The following DEPDC5 variants were observed in gnomAD, a reference collection of about 807,000 sequenced individuals.
DEPDC5 encodes DEP domain containing 5, GATOR1 subcomplex subunit, also known as GATOR1 complex protein DEPDC5.
DEPDC5 carries 73 observed loss-of-function variants against 217.3 expected under a neutral mutation model. That is an observed-to-expected ratio of 0.34 (90% CI 0.28 to 0.41). DEPDC5 has a LOEUF of 0.41. Among genes scored for constraint, DEPDC5 ranks in the 10% least tolerant of loss-of-function variants. The pLI is 1.00. For synonymous variants in DEPDC5, 733 were observed against 756.7 expected (o/e 0.97, Z 0.51); for missense variants, 1,675 against 2,070.1 (o/e 0.81, Z 3.70).
chr22:31,894,327 A>G (rs2093502972), intron 39 of DEPDC5: 1 of 150,298 alleles, frequency 6.7e-6, no homozygotes, highest in Admixed American at 6.6e-5. Context: ...TTTTTCTATC[A>G]CCTATGTGTT....
chr22:31,882,046 A>G lies in DEPDC5; in HGVS notation c.4033+2294A>G, dbSNP rs1705218623. On this transcript the variant is annotated intron_variant, in intron 38 of 42. Transcript: ENST00000651528. ...GGAAGCAGAAGCCAATAGTCCAGCAACAAAGGTGGAGTGGGGAAAACCTGT... is the reference window on the plus strand; with the variant it reads ...GGAAGCAGAAGCCAATAGTCCAGCAGCAAAGGTGGAGTGGGGAAAACCTGT... Among the ~76,000 whole-genome samples, 3 of 152,152 alleles carry G rather than the reference A, an allele frequency of 2.0e-5. No homozygotes were observed. The South Asian group carries it at 6.2e-4, about 32-fold the overall frequency.
At position 31,864,501 on chromosome 22, in the gene DEPDC5, A is replaced by AATATAT. The variant is rs34148134; in HGVS notation, c.3330+3087_3330+3092dup. On this transcript the variant is annotated intron_variant, in intron 33 of 42. Transcript: ENST00000651528. ...CCTTCTGAACCTGTTTCTTCATTAA[A>AATATAT]ATATATATATATATATATATATATT... Among the ~76,000 whole-genome samples the AATATAT allele has an allele frequency of 1.8e-3, 226 of 123,142 alleles. 3 individuals carry two copies. The highest frequency in any genetic ancestry group is 4.2e-3 in the African/African-American group (134 of 32,260). 80.8% of individuals were successfully genotyped at this position (123,142 alleles called of 152,430 possible).
intron 24 of DEPDC5, among the ~76,000 whole-genome samples, chr22:31,827,651 A>T (rs549291803): frequency 1.3e-5 from 2 of 152,314 alleles, no homozygotes; most frequent in East Asian, 3.9e-4. Flanking sequence ...ATGGTGGCAG[A>T]TAGACCCCTC....
chr22:31,783,299 C>G (rs1364991156), intron 8 of DEPDC5, among the ~76,000 whole-genome samples: 1 of 152,172 alleles, frequency 6.6e-6, no homozygotes, highest in Non-Finnish European at 1.5e-5. Context: ...CTTGCTGCTG[C>G]TCACTGTTGG....
intron 38 of DEPDC5, among the ~76,000 whole-genome samples, chr22:31,882,034 A>G (rs2093190473): frequency 6.6e-6 from 1 of 152,014 alleles, no homozygotes; most frequent in Non-Finnish European, 1.5e-5. Flanking sequence ...AGCAGAAGCC[A>G]ATAGTCCAGC....
Position 31,843,670 on chromosome 22 carries a change from C to A in DEPDC5, c.2659C>A (p.His887Asn), listed in dbSNP as rs751284078. Residue 887 changes from histidine (H) to asparagine (N), a missense_variant, in exon 29 of 43, where the codon CAC becomes AAC. Coordinates refer to ENST00000651528, the MANE Select transcript of DEPDC5 (RefSeq NM_001242896.3). ...PKYPYESAQI[H>N]YTYSLCPSHS... Reference sequence around the variant, plus strand: ...GTATCCTTATGAATCTGCCCAGATCCACTACACCTACAGCCTCTGTCCTTC... The same window carrying A: ...GTATCCTTATGAATCTGCCCAGATCAACTACACCTACAGCCTCTGTCCTTC... The A allele has an allele frequency of 1.2e-6, 2 of 1,609,772 alleles. No homozygotes were observed. The highest frequency in any genetic ancestry group is 3.3e-5 in the Admixed American group (2 of 59,958).
At position 31,766,679 on chromosome 22, in the gene DEPDC5, A is replaced by C. The variant is rs1208554525; in HGVS notation, c.363+11A>C. 7 of 1,609,766 alleles carry C rather than the reference A, an allele frequency of 4.3e-6. No homozygotes were observed. The highest frequency in any genetic ancestry group is 5.9e-6 in the Non-Finnish European group (7 of 1,177,906). On this transcript the variant is annotated intron_variant, in intron 6 of 42. Coordinates refer to ENST00000651528, the MANE Select transcript of DEPDC5 (RefSeq NM_001242896.3). ...CTAAAGAAAAGTTTGGTAAGATGTG[A>C]TTTTTTTTGAAAGTCTGTTACTTTT... is the stretch of plus-strand genomic sequence containing the variant.
At chr22:31,805,175 A>G (rs1054577621) in intron 17 of DEPDC5, 6 of 256,294 alleles carry the variant, frequency 2.3e-5, no homozygotes, top group South Asian at 5.6e-5. Flanking sequence ...TCTATTCCCA[A>G]CTCCCACAGA....
intron 16 of DEPDC5, 131 bp from the exon 17 acceptor site, chr22:31,804,711 A>T (rs1368986815): frequency 3.6e-6 from 3 of 842,800 alleles, no homozygotes; most frequent in Non-Finnish European, 5.6e-6. Context: ...AATTGCTGGG[A>T]TTACAGGCAT....
At chr22:31,845,699 G>A (rs2091687438) in intron 30 of DEPDC5, among the ~76,000 whole-genome samples, 1 of 152,160 alleles carries the variant, frequency 6.6e-6, no homozygotes, top group African/African-American at 2.4e-5. Context: ...CCAGCTATAA[G>A]GGGCAGAACT....
At chr22:31,843,045 T>G (rs2091492489) in intron 27 of DEPDC5, 50 bp from the exon 28 acceptor site, 1 of 1,395,594 alleles carries the variant, frequency 7.2e-7, no homozygotes, top group South Asian at 1.2e-5. Context: ...AATTGTCTGT[T>G]ATAGGAATGA....
In DEPDC5 at chr22:31,804,208, T is replaced by C. The variant is rs772408281; in HGVS notation, c.1128T>C (p.Ala376=). Reference sequence around the variant, plus strand: ...GCATGGGAGAGCAACCGTTACATGCTGTCCCATTGTTCAAGGTAATTAGAT... The same window carrying C: ...GCATGGGAGAGCAACCGTTACATGCCGTCCCATTGTTCAAGGTAATTAGAT... ...LVCMGEQPLH[A]VPLFKLHNRS... is the part of the protein sequence containing the mutation. Residue 376 remains alanine, a synonymous_variant, in exon 16 of 43, where the codon GCT becomes GCC. Coordinates refer to ENST00000651528, the MANE Select transcript of DEPDC5 (RefSeq NM_001242896.3). 2 of 1,614,166 alleles carry C rather than the reference T, an allele frequency of 1.2e-6. No homozygotes were observed. Among genetic ancestry groups the C allele is most frequent in the South Asian group, 1.1e-5 (1 of 91,084 alleles).
In DEPDC5 at chr22:31,870,804, G is replaced by C. The variant is rs561323179; in HGVS notation, c.3485+60G>C. 2.7e-5 allele frequency: 38 copies of C among 1,427,470 alleles called. No individual in the cohort carries two copies. In the East Asian group the frequency reaches 1.0e-3, roughly 38 times the overall value. 88.4% of individuals were successfully genotyped at this position (1,427,470 alleles called of 1,614,324 possible). On this transcript the variant is annotated intron_variant, in intron 34 of 42. Transcript: ENST00000651528. ...GGAGTGGGGACAGTCTGATCTCAAAGGCTGCAGAGGCTGAAGTCCAAAGCT... is the reference window on the plus strand; with the variant it reads ...GGAGTGGGGACAGTCTGATCTCAAACGCTGCAGAGGCTGAAGTCCAAAGCT...
chr22:31,856,773 T>G (rs561775267), intron 31 of DEPDC5, among the ~76,000 whole-genome samples: 5 of 151,990 alleles, frequency 3.3e-5, no homozygotes, highest in South Asian at 2.1e-4. Context: ...TAATGCAGTT[T>G]TTTGTTTGTT....
rs1404786332 is a variant in DEPDC5, at chr22:31,906,592, C to T, written c.*95C>T. 11 of 1,463,998 alleles carry T rather than the reference C, an allele frequency of 7.5e-6. No individual in the cohort carries two copies. Among genetic ancestry groups the T allele is most frequent in the African/African-American group, 2.8e-5 (2 of 71,352 alleles). 90.7% of individuals were successfully genotyped at this position (1,463,998 alleles called of 1,614,324 possible). A position where few individuals can be genotyped will look rare whatever the true frequency, so the allele number is the denominator to read the frequency against. Reference sequence around the variant, plus strand: ...AGGCAGGCTCTAGGAGTCAGGTGTCCGTTTGCTGCTATCAGTGAGTGGGGG... The same window carrying T: ...AGGCAGGCTCTAGGAGTCAGGTGTCTGTTTGCTGCTATCAGTGAGTGGGGG... On this transcript the variant is annotated 3_prime_UTR_variant, in exon 43 of 43. Coordinates refer to ENST00000651528, the MANE Select transcript of DEPDC5 (RefSeq NM_001242896.3). This position sits in a 1 kb window ranked among gnomAD's most constrained non-coding sequence, Gnocchi z 5.1.
Position 31,906,097 on chromosome 22 carries a change from G to A in DEPDC5, c.4519+31G>A. ...GAGCTACGGGCAGAGTTGGGCAGGT[G>A]GGTCCACATCCCTTTCCTTGCACCA... On this transcript the variant is annotated intron_variant, in intron 42 of 42. Coordinates refer to ENST00000651528, the MANE Select transcript of DEPDC5 (RefSeq NM_001242896.3). This position sits in a 1 kb window ranked among gnomAD's most constrained non-coding sequence, Gnocchi z 5.1. 2 of 1,613,700 alleles carry A rather than the reference G, an allele frequency of 1.2e-6. No homozygotes were observed. Among genetic ancestry groups the A allele is most frequent in the Non-Finnish European group, 1.7e-6 (2 of 1,179,752 alleles).
chr22:31,798,913 T>G (rs2086556931), intron 14 of DEPDC5, among the ~76,000 whole-genome samples: 1 of 152,152 alleles, frequency 6.6e-6, no homozygotes, highest in African/African-American at 2.4e-5. Flanking sequence ...CAGTGGTTGT[T>G]TATATATAAC....
At chr22:31,892,778 A>G (rs2093465689) in intron 38 of DEPDC5, among the ~76,000 whole-genome samples, 2 of 150,918 alleles carry the variant, frequency 1.3e-5, no homozygotes, top group Non-Finnish European at 2.9e-5. Flanking sequence ...GGAGTAGTCC[A>G]TTTTTTACAA....
At chr22:31,762,373 C>T (rs568481397) in intron 4 of DEPDC5, among the ~76,000 whole-genome samples, 6 of 152,178 alleles carry the variant, frequency 3.9e-5, no homozygotes, top group Non-Finnish European at 8.8e-5. Flanking sequence ...AATGGCTATG[C>T]CATGCTGTTC....
Sources: gnomAD v4.1 joint callset for allele counts (sites outside exome capture counted in the v4.1 genomes callset) on GRCh38, gnomAD v4.1.1 for gene constraint, Gnocchi (gnomAD v3.1) non-coding constraint, MANE v1.5 for transcripts, NCBI Gene and HGNC (gene_info 2026-07-23, HGNC 2026-07-21) for gene names.